The following MAML3 variants were observed in gnomAD, a reference collection of about 807,000 sequenced individuals.
MAML3 encodes mastermind like transcriptional coactivator 3.
MAML3 carries 27 observed loss-of-function variants against 101.9 expected under a neutral mutation model. The ratio of observed to expected loss-of-function variants is 0.27; its 90% CI spans 0.20 to 0.37. The LOEUF (loss-of-function observed/expected upper bound fraction) is 0.37. Ranked by LOEUF, MAML3 falls within the 10% of genes least tolerant of loss-of-function variation. The pLI, the probability that MAML3 is intolerant of heterozygous loss-of-function variation, is 1.00. For missense variants in MAML3, 1,316 were observed against 1,444.9 expected, an observed-to-expected ratio of 0.91 and a Z score of 1.45; for synonymous variants, 501 against 555.9, an observed-to-expected ratio of 0.90 and a Z score of 1.39.
chr4:139,782,705 G>A (rs1332208736), intron 2 of MAML3, among the ~76,000 whole-genome samples: 2 of 152,106 alleles, frequency 1.3e-5, no homozygotes, highest in East Asian at 3.8e-4. Flanking sequence ...CTTCTTTACT[G>A]CCGAGGAGCT....
chr4:140,003,754 C>T (rs181145300), intron 1 of MAML3, among the ~76,000 whole-genome samples: 7 of 152,218 alleles, frequency 4.6e-5, no homozygotes, highest in African/African-American at 1.7e-4. Context: ...TCAGCTAGAA[C>T]TCTGTGTCCT....
At chr4:140,107,110 A>G (rs554170103) in intron 1 of MAML3, among the ~76,000 whole-genome samples, 68 of 152,310 alleles carry the variant, frequency 4.5e-4, no homozygotes, top group African/African-American at 1.5e-3. Context: ...ACCTCAGGTG[A>G]TCTGCCCACC....
At chr4:140,012,912 T>C (rs1379371983) in intron 1 of MAML3, among the ~76,000 whole-genome samples, 1 of 152,154 alleles carries the variant, frequency 6.6e-6, no homozygotes, top group Non-Finnish European at 1.5e-5. Flanking sequence ...ACAAGAGCCA[T>C]TCCCATAAAA....
chr4:139,847,842 G>A (rs771987493), intron 2 of MAML3, among the ~76,000 whole-genome samples: 14 of 152,296 alleles, frequency 9.2e-5, no homozygotes, highest in Non-Finnish European at 1.0e-4. Flanking sequence ...ACAAAGCACA[G>A]CTCTCTTCAC....
chr4:140,109,457 C>T (rs1250231759), intron 1 of MAML3, among the ~76,000 whole-genome samples: 1 of 152,174 alleles, frequency 6.6e-6, no homozygotes, highest in African/African-American at 2.4e-5. Flanking sequence ...CTAGACCACA[C>T]GGTGTCTCCT....
At chr4:140,033,324 T>C (rs1030665056) in intron 1 of MAML3, among the ~76,000 whole-genome samples, 1 of 151,960 alleles carries the variant, frequency 6.6e-6, no homozygotes, top group African/African-American at 2.4e-5. Flanking sequence ...AAAATGTAGG[T>C]ATCTAGAAAA....
At chr4:139,937,994 A>G (rs1326762207) in intron 1 of MAML3, among the ~76,000 whole-genome samples, 1 of 152,194 alleles carries the variant, frequency 6.6e-6, no homozygotes, top group East Asian at 1.9e-4. Context: ...ACACTGATTT[A>G]GTGGCTGTCT....
At chr4:139,912,631 T>A (rs1349441026) in intron 1 of MAML3, among the ~76,000 whole-genome samples, 1 of 152,240 alleles carries the variant, frequency 6.6e-6, no homozygotes, top group African/African-American at 2.4e-5. Flanking sequence ...CCAACACAGC[T>A]GGTATCATCT....
rs762805953 is a variant in MAML3 at position 139,889,466 on chromosome 4, T to C, written c.1970A>G (p.Gln657Arg). The C allele has an allele frequency of 3.7e-6, 6 of 1,613,994 alleles. No individual in the cohort carries two copies. Among genetic ancestry groups the C allele is most frequent in the Non-Finnish European group, 4.2e-6 (5 of 1,179,878 alleles). ...QQQQPPPPQLQAPRAHLSEDQ... is the reference protein window; with the variant it reads ...QQQQPPPPQLRAPRAHLSEDQ... ...TTCGCTCAGGTGTGCCCTGGGGGCC[T>C]GGAGCTGTGGAGGTGGCGGCTGCTG... is the stretch of plus-strand genomic sequence containing the variant. The change falls in exon 2 of 5, where the codon CAG becomes CGG. Residue 657 changes from glutamine to arginine, a missense_variant. Transcript: ENST00000509479.
intron 2 of MAML3, among the ~76,000 whole-genome samples, chr4:139,787,389 C>G (rs534138467): frequency 6.6e-6 from 1 of 152,304 alleles, no homozygotes; most frequent in East Asian, 1.9e-4. Flanking sequence ...GACACTAGAA[C>G]CAAGGAGGAA....
In MAML3 at chr4:140,153,212, C is replaced by T; in HGVS notation, c.116G>A (p.Ser39Asn). 6.4e-7 allele frequency: 1 copy of T among 1,564,020 alleles called. No homozygotes were observed. Among genetic ancestry groups the T allele is most frequent in the Non-Finnish European group, 8.7e-7 (1 of 1,153,588 alleles). ...AGIGVNNTPN[S>N]TPAAPSSNHP... ...ATTGCTACTCGGAGCAGCGGGAGTA[C>T]TATTGGGAGTATTATTCACACCGAT... The change falls in exon 1 of 5, where the codon AGT becomes AAT. Residue 39 changes from serine to asparagine, a missense_variant. By Grantham distance (46) the Ser-to-Asn change is conservative. Coordinates refer to ENST00000509479, the MANE Select transcript of MAML3 (RefSeq NM_018717.5).
chr4:139,733,405 G>A (rs1026826819), intron 2 of MAML3, among the ~76,000 whole-genome samples: 2 of 152,088 alleles, frequency 1.3e-5, no homozygotes, highest in East Asian at 3.9e-4. Context: ...GCACAGCTGG[G>A]GAAGTGGTAA....
At chr4:139,943,931 T>A (rs1457680385) in intron 1 of MAML3, among the ~76,000 whole-genome samples, 1 of 129,214 alleles carries the variant, frequency 7.7e-6, no homozygotes, top group East Asian at 2.6e-4. Context: ...AGTGCAGCGG[T>A]GCAATCTCAG....
chr4:140,050,165 C>A (rs77562333), intron 1 of MAML3, among the ~76,000 whole-genome samples: 2 of 152,148 alleles, frequency 1.3e-5, no homozygotes, highest in South Asian at 2.1e-4. Flanking sequence ...CATATTCTTT[C>A]ATTTCTCTTA....
chr4:139,748,053 T>TAAAAA (rs34801574), intron 2 of MAML3, among the ~76,000 whole-genome samples: 13 of 95,524 alleles, frequency 1.4e-4, no homozygotes, highest in African/African-American at 4.0e-4. Context: ...AGACTTCGTC[T>TAAAAA]AAAAAAAAAA....
chr4:139,913,251 G>A (rs1391802637), intron 1 of MAML3, among the ~76,000 whole-genome samples: 1 of 152,158 alleles, frequency 6.6e-6, no homozygotes, highest in Non-Finnish European at 1.5e-5. Flanking sequence ...GAGTAGATGT[G>A]TACAAGTAAT....
At chr4:140,025,941 T>C (rs1036775352) in intron 1 of MAML3, among the ~76,000 whole-genome samples, 1 of 152,246 alleles carries the variant, frequency 6.6e-6, no homozygotes, top group African/African-American at 2.4e-5. Flanking sequence ...TGTGAGTTTG[T>C]GTGCATGGGC....
rs369699592 is a variant in MAML3, at chr4:140,098,201, T to C, written c.468+54659A>G. Among the ~76,000 whole-genome samples the C allele has an allele frequency of 8.3e-4, 126 of 152,336 alleles. 4 individuals carry two copies. In the South Asian group the frequency reaches 0.025, roughly 30 times the overall value. ...CCAAACAATATTGTGATAAAGAACATTTGTAGTTCACTCAAAATATTCGCA... is the reference window on the plus strand; with the variant it reads ...CCAAACAATATTGTGATAAAGAACACTTGTAGTTCACTCAAAATATTCGCA... On this transcript the variant is annotated intron_variant, in intron 1 of 4. Coordinates refer to ENST00000509479, the MANE Select transcript of MAML3 (RefSeq NM_018717.5).
At chr4:140,086,989 G>A (rs766134928) in intron 1 of MAML3, among the ~76,000 whole-genome samples, 3 of 152,076 alleles carry the variant, frequency 2.0e-5, no homozygotes, top group Non-Finnish European at 2.9e-5. Flanking sequence ...GCGAAACCCC[G>A]TCTCTACTAA....
Sources: gnomAD v4.1 joint callset for allele counts (sites outside exome capture counted in the v4.1 genomes callset) on GRCh38, gnomAD v4.1.1 for gene constraint, MANE v1.5 for transcripts, NCBI Gene and HGNC (gene_info 2026-07-23, HGNC 2026-07-21) for gene names.